PLD1: variants seen among roughly 807,000 people sequenced by gnomAD.
The protein encoded by PLD1 is choline phosphatase 1.
In PLD1, 112 loss-of-function variants were observed where a neutral mutation model predicts 137.1. The ratio of observed to expected loss-of-function variants is 0.82; its 90% CI spans 0.70 to 0.96. The LOEUF is 0.96. Among genes scored for constraint, PLD1 ranks in the 40% least tolerant of loss-of-function variants. The pLI is 0.00. For synonymous variants in PLD1, 431 were observed against 454.7 expected, an observed-to-expected ratio of 0.95 and a Z score of 0.66; for missense variants, 1,321 against 1,342.0, an observed-to-expected ratio of 0.98 and a Z score of 0.24.
intron 1 of PLD1, among the ~76,000 whole-genome samples, chr3:171,774,595 T>C (rs975405234): frequency 7.9e-5 from 12 of 152,052 alleles, no homozygotes; most frequent in Non-Finnish European, 1.6e-4. Context: ...TTTGGGTGAG[T>C]AGGAATTTAG....
chr3:171,602,201 ATCTTC>A lies in PLD1; in HGVS notation c.*872_*876del, dbSNP rs139035422. 0.17 allele frequency: 25,467 copies of A among 152,102 alleles called. 2,256 individuals are homozygous for A. Among genetic ancestry groups the A allele is most frequent in the South Asian group, 0.23 (1,128 of 4,820 alleles). 9.4% of individuals were successfully genotyped at this position (152,102 alleles called of 1,614,324 possible). ...AAATTTTACAGGACTAGAAGGAATC[ATCTTC>A]TCTTATCTGGATCTGATCCTCCTCG... On this transcript the variant is annotated 3_prime_UTR_variant, in exon 27 of 27. Transcript: ENST00000351298.
In PLD1 at chr3:171,620,373, A is replaced by G. The variant is rs1339029714; in HGVS notation, c.2728+13T>C. On this transcript the variant is annotated intron_variant, in intron 24 of 26. Coordinates refer to ENST00000351298, the MANE Select transcript of PLD1 (RefSeq NM_002662.5). ...GGCAAGGAATACAATTATAGACCAT[A>G]TACTGTACTTACCAATAATAACAGT... 1 of 1,577,552 alleles carries G rather than the reference A, an allele frequency of 6.3e-7. No individual in the cohort carries two copies.
chr3:171,769,105 T>A (rs1578448996), intron 1 of PLD1, among the ~76,000 whole-genome samples: 1 of 152,186 alleles, frequency 6.6e-6, no homozygotes, highest in Non-Finnish European at 1.5e-5. Flanking sequence ...GGAGGAAACA[T>A]TTTAACGTGT....
chr3:171,678,742 G>A (rs1209949621), intron 16 of PLD1, among the ~76,000 whole-genome samples: 1 of 152,306 alleles, frequency 6.6e-6, no homozygotes, highest in African/African-American at 2.4e-5. Flanking sequence ...GGAAGCTCAA[G>A]TCCTAAGGGC....
chr3:171,768,089 C>G (rs989625669), intron 1 of PLD1, among the ~76,000 whole-genome samples: 1 of 152,058 alleles, frequency 6.6e-6, no homozygotes, highest in African/African-American at 2.4e-5. Flanking sequence ...TGGGGTAGTA[C>G]TACTACCCCA....
At chr3:171,712,137 C>T (rs532455775) in intron 9 of PLD1, among the ~76,000 whole-genome samples, 6 of 152,304 alleles carry the variant, frequency 3.9e-5, no homozygotes, top group South Asian at 4.1e-4. Flanking sequence ...CCATGTCCAA[C>T]CTGCTTTCCT....
chr3:171,754,110 T>C (rs1720852758), intron 1 of PLD1, among the ~76,000 whole-genome samples: 2 of 152,202 alleles, frequency 1.3e-5, no homozygotes, highest in Admixed American at 1.3e-4. Context: ...AGTGAGTTCA[T>C]TGAGTACACT....
At chr3:171,621,836 C>CT (rs1475928640) in intron 23 of PLD1, among the ~76,000 whole-genome samples, 1 of 152,042 alleles carries the variant, frequency 6.6e-6, no homozygotes, top group Non-Finnish European at 1.5e-5. Context: ...GATCCATTTC[C>CT]TTTTTTAAGC....
intron 23 of PLD1, among the ~76,000 whole-genome samples, chr3:171,624,596 A>G (rs1733925623): frequency 1.3e-5 from 2 of 152,128 alleles, no homozygotes; most frequent in Admixed American, 1.3e-4. Context: ...TACCCATTGT[A>G]TGTAGTTCCG....
intron 25 of PLD1, among the ~76,000 whole-genome samples, chr3:171,609,552 AC>A (rs1411309144): frequency 0.014 from 1,778 of 129,940 alleles, 21 homozygotes; most frequent in African/African-American, 0.041. Context: ...ACACACACAC[AC>A]ACCAGAGAAA....
Position 171,601,479 on chromosome 3 carries a change from A to G in PLD1, c.*1599T>C, listed in dbSNP as rs1731826329. 1 of 152,132 alleles carries G rather than the reference A, an allele frequency of 6.6e-6. No homozygotes were observed. Among genetic ancestry groups the G allele is most frequent in the Non-Finnish European group, 1.5e-5 (1 of 68,018 alleles). The allele number at this position is 152,132 out of a possible 1,614,324, so 9.4% of individuals were successfully genotyped here. On this transcript the variant is annotated 3_prime_UTR_variant, in exon 27 of 27. Transcript: ENST00000351298. ...TTTACCATCTTTAGCCATATGAAAAATAAGTTATTTACTTATAAAAACATT... is the reference window on the plus strand; with the variant it reads ...TTTACCATCTTTAGCCATATGAAAAGTAAGTTATTTACTTATAAAAACATT...
chr3:171,606,171 G>C (rs971400974), intron 25 of PLD1, among the ~76,000 whole-genome samples: 1 of 152,144 alleles, frequency 6.6e-6, no homozygotes, highest in Non-Finnish European at 1.5e-5. Context: ...AGTGAATGTA[G>C]GGTGTGTCAA....
At chr3:171,720,981 C>T (rs1034695611) in intron 8 of PLD1, among the ~76,000 whole-genome samples, 2 of 152,204 alleles carry the variant, frequency 1.3e-5, no homozygotes, top group African/African-American at 4.8e-5. Context: ...AGATCCCTCA[C>T]AAACCATTTT....
At chr3:171,709,078 G>A (rs767052773) in intron 10 of PLD1, among the ~76,000 whole-genome samples, 7 of 152,150 alleles carry the variant, frequency 4.6e-5, no homozygotes, top group Non-Finnish European at 8.8e-5. Context: ...CAAATTTATT[G>A]AGCCTCATCA....
chr3:171,639,437 T>C (rs2108359882), intron 23 of PLD1, among the ~76,000 whole-genome samples: 1 of 123,480 alleles, frequency 8.1e-6, no homozygotes, highest in South Asian at 2.3e-4. Context: ...TTTTATATAT[T>C]ATATAAAATT....
At chr3:171,801,770 TC>T (rs1723657347) in intron 1 of PLD1, among the ~76,000 whole-genome samples, 1 of 151,988 alleles carries the variant, frequency 6.6e-6, no homozygotes. Flanking sequence ...ATTTCCCTAG[TC>T]CCCATGACAC....
intron 1 of PLD1, among the ~76,000 whole-genome samples, chr3:171,795,543 G>A (rs1429750968): frequency 1.3e-5 from 2 of 152,048 alleles, no homozygotes; most frequent in Non-Finnish European, 2.9e-5. Flanking sequence ...AAACCACCTG[G>A]CACAAATCTC....
At chr3:171,741,024 T>C (rs1010141633) in intron 1 of PLD1, among the ~76,000 whole-genome samples, 5 of 152,230 alleles carry the variant, frequency 3.3e-5, no homozygotes, top group African/African-American at 1.2e-4. Flanking sequence ...TCATCTTTTA[T>C]ATGAAGTTTA....
intron 1 of PLD1, chr3:171,771,384 A>C (rs1220560858): frequency 1.3e-5 from 2 of 152,338 alleles, no homozygotes; most frequent in East Asian, 3.8e-4. Flanking sequence ...AACTTAAGTC[A>C]TAGCCAAGCC....
Sources: allele counts gnomAD v4.1 joint callset (sites outside exome capture counted in the v4.1 genomes callset), GRCh38; gene constraint gnomAD v4.1.1; transcripts MANE v1.5; gene names NCBI Gene and HGNC (gene_info 2026-07-23, HGNC 2026-07-21).